Variants in QRICH1 observed in about 807,000 individuals in gnomAD.
The protein encoded by QRICH1 is glutamine rich 1.
A neutral mutation model predicts 87.1 loss-of-function variants in QRICH1; 16 were observed. That is an observed-to-expected ratio of 0.18 (90% CI 0.12 to 0.28). QRICH1 has a LOEUF of 0.28. QRICH1 is among the 10% of genes least tolerant of loss of function. The probability of loss-of-function intolerance (pLI) is 1.00; values close to 1 mark genes in which losing one functional copy is unlikely to be tolerated. For missense variants in QRICH1, 647 were observed against 951.7 expected, an observed-to-expected ratio of 0.68 and a Z score of 4.21; for synonymous variants, 367 against 368.4, an observed-to-expected ratio of 1.00 and a Z score of 0.05.
chr3:49,033,497 C>A, intron 6 of QRICH1: 1 of 295,796 alleles, frequency 3.4e-6, no homozygotes, highest in East Asian at 5.5e-5. Flanking sequence ...CCCTCTAATC[C>A]AAGGCTAACA....
chr3:49,077,773 A>G (rs1414513436), intron 1 of QRICH1, among the ~76,000 whole-genome samples: 2 of 152,202 alleles, frequency 1.3e-5, no homozygotes, highest in African/African-American at 4.8e-5. Flanking sequence ...GGATTAAATA[A>G]GGCATTTAGA....
intron 1 of QRICH1, among the ~76,000 whole-genome samples, chr3:49,087,570 A>T (rs879706396): frequency 1.5e-4 from 23 of 151,348 alleles, no homozygotes; most frequent in Non-Finnish European, 2.7e-4. Context: ...AAATAAATTT[A>T]AAAAAAATAA....
At chr3:49,079,486 ATAT>A (rs1470266471) in intron 1 of QRICH1, among the ~76,000 whole-genome samples, 14 of 147,976 alleles carry the variant, frequency 9.5e-5, no homozygotes, top group East Asian at 3.9e-4. Flanking sequence ...AAATATAAAA[ATAT>A]TATAATTATA....
chr3:49,030,481 C>A lies in QRICH1; in HGVS notation c.2302G>T (p.Ala768Ser). 1.2e-6 allele frequency: 2 copies of A among 1,613,720 alleles called. No individual in the cohort carries two copies. The highest frequency in any genetic ancestry group is 1.7e-6 in the Non-Finnish European group (2 of 1,180,030). Reference sequence around the variant, plus strand: ...TGCATAGTGCTTGCATTGGCCACTGCGATGGCCTCCTGAATTTCTCTTATC... The same window carrying A: ...TGCATAGTGCTTGCATTGGCCACTGAGATGGCCTCCTGAATTTCTCTTATC... ...LVIREIQEAI[A>S]VANASTMH is the part of the protein sequence containing the mutation. The change falls in exon 10 of 10, where the codon GCA (alanine) becomes TCA (serine). Residue 768 changes from alanine (A) to serine (S), a missense_variant. Transcript: ENST00000395443.
At chr3:49,047,356 T>A in intron 3 of QRICH1, 110 bp from the exon 4 acceptor site, 1 of 1,067,746 alleles carries the variant, frequency 9.4e-7, no homozygotes, top group Non-Finnish European at 1.3e-6. Flanking sequence ...AAAATATTTC[T>A]CTACTCATTG....
At position 49,063,652 on chromosome 3, in the gene QRICH1, G is replaced by C. The variant is rs1427816475; in HGVS notation, c.310-5762C>G. 2.0e-5 allele frequency among the ~76,000 whole-genome samples: 3 copies of C among 152,124 alleles called. No individual in the cohort carries two copies. The East Asian group carries it at 5.8e-4, about 29-fold the overall frequency. ...AAAAAATTTTAAAAATTACCTGGGCGTGGACACACACCTGTAGTCTCAGCT... is the reference window on the plus strand; with the variant it reads ...AAAAAATTTTAAAAATTACCTGGGCCTGGACACACACCTGTAGTCTCAGCT... On this transcript the variant is annotated intron_variant, in intron 2 of 9. Transcript: ENST00000395443.
chr3:49,036,261 G>T (rs180920660), intron 6 of QRICH1, among the ~76,000 whole-genome samples: 31 of 152,230 alleles, frequency 2.0e-4, no homozygotes, highest in Admixed American at 3.9e-4. Context: ...ACAATTTCTA[G>T]TTCTGCCCAC....
In QRICH1 at chr3:49,057,324, G is replaced by C. The variant is rs1284979115; in HGVS notation, c.876C>G (p.Ala292=). 1 of 1,614,092 alleles carries C rather than the reference G, an allele frequency of 6.2e-7. No individual in the cohort carries two copies. Among genetic ancestry groups the C allele is most frequent in the African/African-American group, 1.3e-5 (1 of 74,932 alleles). ...TGGTCCCAGTGGCACTGTACAGGTG[G>C]GCACTGTCTACTGTCAGTAAGTCTG... is the stretch of plus-strand genomic sequence containing the variant. The part of the protein sequence containing the change: ...LRPDLLTVDS[A]HLYSATGTIT... Residue 292 remains alanine, a synonymous_variant, in exon 3 of 10, where the codon GCC becomes GCG. Transcript: ENST00000395443. This position sits in a 1 kb window ranked among gnomAD's most constrained non-coding sequence, Gnocchi z 5.4.
chr3:49,032,158 A>G, intron 9 of QRICH1, 25 bp downstream of exon 9: 1 of 1,556,374 alleles, frequency 6.4e-7, no homozygotes, highest in African/African-American at 1.4e-5. Context: ...GCACACATGG[A>G]CAGCAAGTCA....
At chr3:49,034,734 C>T (rs571065031) in intron 6 of QRICH1, among the ~76,000 whole-genome samples, 1 of 152,252 alleles carries the variant, frequency 6.6e-6, no homozygotes, top group South Asian at 2.1e-4. Flanking sequence ...GAATAAGAGC[C>T]CTGGTCAGCC....
rs574925146 is a variant in QRICH1 at position 49,064,770 on chromosome 3, C to T, written c.310-6880G>A. Among the ~76,000 whole-genome samples, 10 of 152,228 alleles carry T rather than the reference C, an allele frequency of 6.6e-5. No individual in the cohort carries two copies. The South Asian group carries it at 1.9e-3, about 28-fold the overall frequency. ...GTGGCTCATGCGTATAATCTCAGCA[C>T]TTTGGGAGGCCAAGGCAGGCAGGGT... On this transcript the variant is annotated intron_variant, in intron 2 of 9. Coordinates refer to ENST00000395443, the MANE Select transcript of QRICH1 (RefSeq NM_198880.3).
intron 2 of QRICH1, among the ~76,000 whole-genome samples, chr3:49,058,907 C>T (rs972009448): frequency 1.3e-4 from 19 of 151,330 alleles, no homozygotes; most frequent in Non-Finnish European, 2.2e-4. Flanking sequence ...AGATTACAGG[C>T]GTGAGCCACC....
intron 2 of QRICH1, among the ~76,000 whole-genome samples, chr3:49,068,214 A>C (rs1301311505): frequency 6.6e-6 from 1 of 151,868 alleles, no homozygotes; most frequent in Non-Finnish European, 1.5e-5. Context: ...AATATTAGCC[A>C]GGCGTGGTGG....
intron 1 of QRICH1, among the ~76,000 whole-genome samples, chr3:49,088,317 C>T (rs964297754): frequency 4.0e-5 from 6 of 151,880 alleles, no homozygotes; most frequent in African/African-American, 1.2e-4. Flanking sequence ...TTTTTTGAGA[C>T]GAAGTCTCGT....
chr3:49,082,884 G>C (rs866343685), intron 1 of QRICH1, among the ~76,000 whole-genome samples: 2 of 135,274 alleles, frequency 1.5e-5, no homozygotes, highest in South Asian at 5.0e-4. Flanking sequence ...GACAGAGCAA[G>C]ACTGCGTCTC....
intron 6 of QRICH1, among the ~76,000 whole-genome samples, chr3:49,040,959 C>T (rs963248864): frequency 9.9e-5 from 15 of 151,994 alleles, no homozygotes; most frequent in African/African-American, 3.6e-4. Flanking sequence ...TCTCTGATGA[C>T]ACCTGATGAG....
intron 2 of QRICH1, among the ~76,000 whole-genome samples, chr3:49,060,574 C>A (rs1411870809): frequency 2.6e-5 from 4 of 152,076 alleles, no homozygotes; most frequent in Non-Finnish European, 5.9e-5. Flanking sequence ...AGGTGATCCA[C>A]CAGCCTTGGC....
At chr3:49,072,934 C>T (rs1307361766) in intron 2 of QRICH1, among the ~76,000 whole-genome samples, 3 of 151,794 alleles carry the variant, frequency 2.0e-5, no homozygotes, top group East Asian at 1.9e-4. Flanking sequence ...CCTAGCTACT[C>T]GGGAGGCTGA....
intron 3 of QRICH1, among the ~76,000 whole-genome samples, chr3:49,048,515 G>A (rs2093351804): frequency 1.3e-5 from 2 of 150,354 alleles, no homozygotes; most frequent in South Asian, 4.2e-4. Flanking sequence ...CTGGCCGGGT[G>A]CAGTGGCTCA....
Sources: allele counts gnomAD v4.1 joint callset (sites outside exome capture counted in the v4.1 genomes callset), GRCh38; gene constraint gnomAD v4.1.1; non-coding constraint Gnocchi (gnomAD v3.1); transcripts MANE v1.5; gene names NCBI Gene and HGNC (gene_info 2026-07-23, HGNC 2026-07-21).